The following SEC22A variants were observed in gnomAD, a reference collection of about 807,000 sequenced individuals.
The protein encoded by SEC22A is SEC22 homolog A, vesicle trafficking protein.
A neutral mutation model predicts 35.3 loss-of-function variants in SEC22A; 22 were observed. The ratio of observed to expected loss-of-function variants is 0.62; its 90% CI spans 0.45 to 0.89. The LOEUF (loss-of-function observed/expected upper bound fraction) is 0.89, where lower values mean the gene tolerates loss of function less well. SEC22A is among the 40% of genes least tolerant of loss of function. SEC22A has a pLI of 0.00. For synonymous variants in SEC22A, 119 were observed against 129.5 expected, an observed-to-expected ratio of 0.92 and a Z score of 0.55; for missense variants, 354 against 362.5, an observed-to-expected ratio of 0.98 and a Z score of 0.19.
At chr3:123,248,496 A>C (rs575108604) in intron 5 of SEC22A, among the ~76,000 whole-genome samples, 2 of 148,610 alleles carry the variant, frequency 1.3e-5, no homozygotes, top group African/African-American at 2.6e-5. Context: ...ACACCAAACA[A>C]AAAGAGACAC....
In SEC22A at chr3:123,271,855, A is replaced by C. The variant is rs1137117; in HGVS notation, c.*133A>C. ...TCTTTCTCTCCAACTTTCCTTTTTTAAAATCAGCATGATGTGCCTGTGAGC... is the reference window on the plus strand; with the variant it reads ...TCTTTCTCTCCAACTTTCCTTTTTTCAAATCAGCATGATGTGCCTGTGAGC... On this transcript the variant is annotated 3_prime_UTR_variant, in exon 7 of 7. Transcript: ENST00000492595. The C allele has an allele frequency of 0.2, 144,730 of 729,978 alleles. 14,684 individuals carry two copies. The highest frequency in any genetic ancestry group is 0.29 in the Middle Eastern group (759 of 2,610). The allele number at this position is 729,978 out of a possible 1,614,324, so 45.2% of individuals were successfully genotyped here. A position where few individuals can be genotyped will look rare whatever the true frequency, so the allele number is the denominator to read the frequency against.
intron 5 of SEC22A, among the ~76,000 whole-genome samples, chr3:123,256,595 C>T (rs957495262): frequency 2.0e-5 from 3 of 152,060 alleles, no homozygotes; most frequent in East Asian, 1.9e-4. Flanking sequence ...TTTCTTTTTT[C>T]TCTATGCAGA....
chr3:123,272,698 G>C lies in SEC22A; in HGVS notation c.*976G>C, dbSNP rs1333882012. ...GAGATGTTACCAGCACCAGCATGAG[G>C]CACTGTCTCTGGAATAGTCAGAGGA... is the stretch of plus-strand genomic sequence containing the variant. On this transcript the variant is annotated 3_prime_UTR_variant, in exon 7 of 7. Transcript: ENST00000492595. 6.5e-6 allele frequency: 1 copy of C among 153,664 alleles called. No homozygotes were observed. The highest frequency in any genetic ancestry group is 1.5e-5 in the Non-Finnish European group (1 of 68,046). 9.5% of individuals were successfully genotyped at this position (153,664 alleles called of 1,614,324 possible). A position where few individuals can be genotyped will look rare whatever the true frequency, so the allele number is the denominator to read the frequency against.
chr3:123,206,804 G>A (rs1936861700), intron 1 of SEC22A, among the ~76,000 whole-genome samples: 1 of 152,202 alleles, frequency 6.6e-6, no homozygotes, highest in African/African-American at 2.4e-5. Flanking sequence ...AATGAATGGA[G>A]AGGCTGGGCG....
rs184634516 is a variant in SEC22A at position 123,249,450 on chromosome 3, A to T, written c.657+3436A>T. Reference sequence around the variant, plus strand: ...AAGAATTGCCTGATTAGAATAAAAGATGCTCTTATTACCTGGGAAATTCCA... The same window carrying T: ...AAGAATTGCCTGATTAGAATAAAAGTTGCTCTTATTACCTGGGAAATTCCA... On this transcript the variant is annotated intron_variant, in intron 5 of 6. Coordinates refer to ENST00000492595, the MANE Select transcript of SEC22A (RefSeq NM_012430.5). Among the ~76,000 whole-genome samples the T allele has an allele frequency of 1.2e-4, 18 of 152,252 alleles. No individual in the cohort carries two copies. The East Asian group carries it at 3.3e-3, about 28-fold the overall frequency.
intron 4 of SEC22A, among the ~76,000 whole-genome samples, chr3:123,231,888 C>T (rs1394830673): frequency 6.6e-6 from 1 of 152,116 alleles, no homozygotes; most frequent in Non-Finnish European, 1.5e-5. Flanking sequence ...AAAGTTGGTT[C>T]TTTGAAAAAA....
intron 2 of SEC22A, among the ~76,000 whole-genome samples, chr3:123,213,600 C>T (rs1936975386): frequency 1.3e-5 from 2 of 152,076 alleles, no homozygotes; most frequent in African/African-American, 4.8e-5. Flanking sequence ...ATTAAAATTT[C>T]TTATTTTTAA....
chr3:123,219,448 G>A (rs1454783139), intron 2 of SEC22A, among the ~76,000 whole-genome samples: 2 of 152,228 alleles, frequency 1.3e-5, no homozygotes, highest in African/African-American at 4.8e-5. Flanking sequence ...GTATTGTATT[G>A]TGGAAAGAAT....
At chr3:123,250,005 G>A (rs1203824163) in intron 5 of SEC22A, among the ~76,000 whole-genome samples, 1 of 152,202 alleles carries the variant, frequency 6.6e-6, no homozygotes, top group East Asian at 1.9e-4. Flanking sequence ...CAGGGGCAGA[G>A]GAGAGAAGAA....
chr3:123,241,130 G>T (rs945585793), intron 4 of SEC22A, among the ~76,000 whole-genome samples: 2 of 151,424 alleles, frequency 1.3e-5, no homozygotes, highest in Non-Finnish European at 2.9e-5. Flanking sequence ...TAGAAATACA[G>T]TAAACACATT....
intron 5 of SEC22A, among the ~76,000 whole-genome samples, chr3:123,257,455 C>T (rs1044811767): frequency 2.0e-5 from 3 of 149,560 alleles, no homozygotes; most frequent in Non-Finnish European, 4.5e-5. Context: ...CCAGCACTTT[C>T]GGAGGCTGAG....
At chr3:123,263,662 C>T (rs568459191) in intron 6 of SEC22A, among the ~76,000 whole-genome samples, 7 of 152,010 alleles carry the variant, frequency 4.6e-5, no homozygotes, top group South Asian at 2.1e-4. Flanking sequence ...ATTACAGGTG[C>T]GCCACCATGC....
chr3:123,265,301 C>T (rs1156741074), intron 6 of SEC22A, among the ~76,000 whole-genome samples: 2 of 152,094 alleles, frequency 1.3e-5, no homozygotes, highest in South Asian at 4.2e-4. Context: ...GAAACCAATC[C>T]CCTATGGATC....
At chr3:123,246,113 T>G in intron 5 of SEC22A, 99 bp downstream of exon 5, 1 of 647,490 alleles carries the variant, frequency 1.5e-6, no homozygotes, top group Non-Finnish European at 2.8e-6. Context: ...TAATTTACAG[T>G]GCATACTCAA....
chr3:123,209,279 C>T lies in SEC22A; in HGVS notation c.62C>T (p.Ser21Phe). Residue 21 changes from serine (S) to phenylalanine (F), a missense_variant, in exon 2 of 7, where the codon TCT becomes TTT. Ser to Phe is a radical substitution (Grantham distance 155). Coordinates refer to ENST00000492595, the MANE Select transcript of SEC22A (RefSeq NM_012430.5). The part of the protein sequence containing the change: ...RVRDGLPLSA[S>F]TDYEQSTGMQ... ...AGAGATGGACTGCCACTTTCTGCTT[C>T]TACTGATTATGAACAAAGCACAGGA... The T allele has an allele frequency of 3.7e-6, 6 of 1,614,044 alleles. No homozygotes were observed. The highest frequency in any genetic ancestry group is 5.1e-6 in the Non-Finnish European group (6 of 1,179,940).
chr3:123,255,732 A>G (rs1327534532), intron 5 of SEC22A, among the ~76,000 whole-genome samples: 3 of 152,156 alleles, frequency 2.0e-5, no homozygotes, highest in Non-Finnish European at 4.4e-5. Flanking sequence ...GTAGGAGTTT[A>G]TTTCACATCA....
intron 6 of SEC22A, among the ~76,000 whole-genome samples, chr3:123,260,354 ATTGGT>A (rs1937861984): frequency 6.6e-6 from 1 of 152,120 alleles, no homozygotes; most frequent in East Asian, 1.9e-4. Flanking sequence ...AAGCAAGGAA[ATTGGT>A]TTGGAATTAT....
At chr3:123,215,716 C>T (rs1937009536) in intron 2 of SEC22A, among the ~76,000 whole-genome samples, 2 of 152,160 alleles carry the variant, frequency 1.3e-5, no homozygotes, top group South Asian at 4.1e-4. Flanking sequence ...TCAGGCATCG[C>T]ATTATTATCT....
intron 4 of SEC22A, among the ~76,000 whole-genome samples, chr3:123,237,751 C>A (rs951304866): frequency 2.0e-5 from 3 of 152,154 alleles, no homozygotes; most frequent in Admixed American, 2.0e-4. Context: ...CCACGTATCA[C>A]CTGACTTCCA....
Sources: allele counts gnomAD v4.1 joint callset (sites outside exome capture counted in the v4.1 genomes callset), GRCh38; gene constraint gnomAD v4.1.1; transcripts MANE v1.5; gene names NCBI Gene and HGNC (gene_info 2026-07-23, HGNC 2026-07-21).